The following DMPK variants were observed in gnomAD, a reference collection of about 807,000 sequenced individuals.
DMPK encodes the protein DM1 protein kinase, also known as myotonin-protein kinase.
Under a neutral mutation model 70.3 loss-of-function variants are expected in DMPK, and 32 were observed. The ratio of observed to expected loss-of-function variants is 0.46; its 90% confidence interval spans 0.34 to 0.61. The LOEUF (loss-of-function observed/expected upper bound fraction) is 0.61. DMPK is among the 20% of genes least tolerant of loss of function. The pLI is 0.01. For missense variants in DMPK, 899 were observed against 886.0 expected (o/e 1.01, Z -0.19); for synonymous variants, 469 against 390.9 (o/e 1.20, Z -2.36).
intron 5 of DMPK, 98 bp downstream of exon 5, chr19:45,778,395 G>C (rs1969901264): frequency 1.3e-6 from 2 of 1,498,300 alleles, no homozygotes; most frequent in Non-Finnish European, 1.8e-6. Flanking sequence ...CCCCAACCAA[G>C]AAGGTCCCTC....
intron 12 of DMPK, 34 bp from the exon 13 acceptor site, chr19:45,771,430 G>A (rs1392642972): frequency 1.2e-6 from 2 of 1,611,500 alleles, no homozygotes; most frequent in Admixed American, 1.7e-5. Context: ...AGGGCGCGTG[G>A]AGGGGCGAAG....
At chr19:45,775,060 A>G (rs151206095) in intron 8 of DMPK, 26 bp from the exon 9 acceptor site, 2 of 1,596,024 alleles carry the variant, frequency 1.3e-6, no homozygotes, top group East Asian at 2.2e-5. Flanking sequence ...AGATGTGAGC[A>G]GCAGTCGTCA....
Position 45,774,966 on chromosome 19 carries a change from G to A in DMPK, c.1215C>T (p.Tyr405=), listed in dbSNP as rs138445739. The A allele has an allele frequency of 2.5e-6, 4 of 1,613,836 alleles. No homozygotes were observed. Among genetic ancestry groups the A allele is most frequent in the African/African-American group, 1.3e-5 (1 of 74,920 alleles). Residue 405 remains tyrosine, a synonymous_variant, in exon 9 of 15, where the codon TAC becomes TAT. Transcript: ENST00000291270. ...GTGCTTACCTGAGGGCCATGCAGGA[G>A]TAGGAGTAGCCCACAAAAGGCAGGT... ...GVHLPFVGYS[Y]SCMALRDSEV... is the part of the protein sequence containing the mutation.
rs1302500628 is a variant in DMPK, at chr19:45,775,818, CTTTT to C, written c.1147-788_1147-785del. 5.9e-5 allele frequency among the ~76,000 whole-genome samples: 5 copies of C among 84,496 alleles called. 2 individuals carry two copies. Among genetic ancestry groups the C allele is most frequent in the Non-Finnish European group, 1.2e-4 (5 of 42,518 alleles). The allele number at this position is 84,496 out of a possible 152,430, so 55.4% of individuals were successfully genotyped here. On this transcript the variant is annotated intron_variant, in intron 8 of 14. Coordinates refer to ENST00000291270, the MANE Select transcript of DMPK (RefSeq NM_004409.5). ...CAGGCGTGAACCACCTTGCCCAACCCTTTTTTTTTTTTTTTTTTTTGAGACAGAG... is the reference window on the plus strand; with the variant it reads ...CAGGCGTGAACCACCTTGCCCAACCCTTTTTTTTTTTTTTTTGAGACAGAG...
rs979797930 is a variant in DMPK, at chr19:45,779,419, A to T, written c.336+20T>A. On this transcript the variant is annotated intron_variant, in intron 3 of 14. Transcript: ENST00000291270. ...GGGGCGCGGATCCTCAAAGCCCCCC[A>T]CGTCCGCCCAGCCCCTCACCTCGCC... 7.4e-6 allele frequency: 12 copies of T among 1,613,608 alleles called. No individual in the cohort carries two copies. The Admixed American group carries it at 1.7e-4, about 22-fold the overall frequency.
intron 9 of DMPK, among the ~76,000 whole-genome samples, chr19:45,774,094 C>T (rs1969637364): frequency 1.3e-5 from 2 of 151,310 alleles, no homozygotes; most frequent in South Asian, 4.2e-4. Context: ...GCTGGGATTA[C>T]AGGTATATGC....
chr19:45,773,089 C>T (rs945906577), intron 9 of DMPK, among the ~76,000 whole-genome samples: 2 of 152,204 alleles, frequency 1.3e-5, no homozygotes, highest in African/African-American at 4.8e-5. Flanking sequence ...GGCCTCAGGA[C>T]AGGGAGGCCG....
Position 45,775,001 on chromosome 19 carries a change from G to C in DMPK, c.1180C>G (p.Leu394Val). ...TLSDIREGAP[L>V]GVHLPFVGYS... is the part of the protein sequence containing the mutation. ...CCCACAAAAGGCAGGTGGACCCCTA[G>C]CGGCGCACCTTCCCGAATGTCCGAC... is the stretch of plus-strand genomic sequence containing the variant. The change falls in exon 9 of 15, where the codon CTA becomes GTA. Residue 394 changes from leucine (L) to valine (V), a missense_variant. Coordinates refer to ENST00000291270, the MANE Select transcript of DMPK (RefSeq NM_004409.5). 1 of 1,613,974 alleles carries C rather than the reference G, an allele frequency of 6.2e-7. No individual in the cohort carries two copies.
Position 45,779,270 on chromosome 19 carries a change from G to C in DMPK, c.426C>G (p.Asn142Lys), listed in dbSNP as rs577740076. The change falls in exon 4 of 15, where the codon AAC becomes AAG. Residue 142 changes from asparagine (N) to lysine (K), a missense_variant. By Grantham distance (94) the Asn-to-Lys change is moderately conservative. This residue lies in a region of DMPK where 195 missense variants were observed against 259.7 expected (regional missense o/e 0.75). Transcript: ENST00000291270. ...TQLHFAFQDE[N>K]YLYLVMEYYV... is the part of the protein sequence containing the mutation. ...ACCCCGGCCCGGAGCTCACCAGGTA[G>C]TTCTCATCCTGGAAGGCGAAGTGCA... 1.2e-6 allele frequency: 2 copies of C among 1,613,956 alleles called. No homozygotes were observed.
chr19:45,780,142 GGGTAAC>G, intron 1 of DMPK: 1 of 1,436,232 alleles, frequency 7.0e-7, no homozygotes, highest in South Asian at 1.5e-5. Flanking sequence ...GGTTAGGGTG[GGGTAAC>G]GGAGTCTGCA....
chr19:45,782,209 G>A lies in DMPK; in HGVS notation c.144C>T (p.Ala48=), dbSNP rs748509070. The A allele has an allele frequency of 9.8e-6, 15 of 1,534,422 alleles. No homozygotes were observed. Among genetic ancestry groups the A allele is most frequent in the African/African-American group, 5.8e-5 (4 of 69,024 alleles). Reference sequence around the variant, plus strand: ...GGCACTCACCCCACTGCAAGAAGTCGGCCACGTACTTGTCCTGGGCCAGTT... The same window carrying A: ...GGCACTCACCCCACTGCAAGAAGTCAGCCACGTACTTGTCCTGGGCCAGTT... The part of the protein sequence containing the change: ...ASELAQDKYV[A]DFLQWAEPIV... Residue 48 remains alanine, a synonymous_variant, in exon 1 of 15, where the codon GCC becomes GCT. Coordinates refer to ENST00000291270, the MANE Select transcript of DMPK (RefSeq NM_004409.5).
At chr19:45,779,056 C>T in intron 4 of DMPK, 2 of 614,178 alleles carry the variant, frequency 3.3e-6, no homozygotes, top group Non-Finnish European at 2.9e-6. Context: ...CCCAGATCAC[C>T]CCAGAAACGG....
chr19:45,780,265 C>G, intron 1 of DMPK: 2 of 1,508,368 alleles, frequency 1.3e-6, no homozygotes, highest in Non-Finnish European at 1.8e-6. Flanking sequence ...GCCCCACCCC[C>G]ACGTTCTCAT....
At chr19:45,772,032 G>A (rs900317970) in intron 10 of DMPK, 104 bp from the exon 11 acceptor site, 33 of 1,389,922 alleles carry the variant, frequency 2.4e-5, no homozygotes, top group African/African-American at 1.5e-4. Flanking sequence ...CTACTCCTCC[G>A]TCCCCTCAAC....
rs1003871860 is a variant in DMPK, at chr19:45,770,541, C to A, written c.1837G>T (p.Ala613Ser). Reference protein sequence around the residue: ...ALGCIGLVAHAGQLTAVWRRP... With the variant: ...ALGCIGLVAHSGQLTAVWRRP... Reference sequence around the variant, plus strand: ...CGCCAGACTGCGGTGAGTTGGCCGGCGTGGGCCACCAACCCAATGCAGCCC... The same window carrying A: ...CGCCAGACTGCGGTGAGTTGGCCGGAGTGGGCCACCAACCCAATGCAGCCC... Residue 613 changes from alanine (A) to serine (S), a missense_variant, in exon 15 of 15, where the codon GCC becomes TCC. Ala to Ser is a moderately conservative substitution (Grantham distance 99, BLOSUM62 1). This residue lies in a region of DMPK where 555 missense variants were observed against 483.8 expected (regional missense o/e 1.15). Coordinates refer to ENST00000291270, the MANE Select transcript of DMPK (RefSeq NM_004409.5). The A allele has an allele frequency of 2.7e-5, 42 of 1,550,822 alleles. No individual in the cohort carries two copies. The Middle Eastern group carries it at 6.7e-4, about 25-fold the overall frequency.
chr19:45,777,914 C>G lies in DMPK; in HGVS notation c.676-41G>C. 2 of 1,551,084 alleles carry G rather than the reference C, an allele frequency of 1.3e-6. No individual in the cohort carries two copies. The highest frequency in any genetic ancestry group is 1.7e-6 in the Non-Finnish European group (2 of 1,143,164). On this transcript the variant is annotated intron_variant, in intron 6 of 14. Coordinates refer to ENST00000291270, the MANE Select transcript of DMPK (RefSeq NM_004409.5). The surrounding 1 kb of genome is among the most constrained non-coding windows in gnomAD (Gnocchi z 6.7). ...CAGAGCGAGGCTTGGGCCCACCCCTCTGGGCCCACCAGCTCTGGGCCCTCC... is the reference window on the plus strand; with the variant it reads ...CAGAGCGAGGCTTGGGCCCACCCCTGTGGGCCCACCAGCTCTGGGCCCTCC...
rs760956137 is a variant in DMPK at position 45,772,763 on chromosome 19, G to A, written c.1233-11C>T. The A allele has an allele frequency of 3.8e-5, 54 of 1,437,780 alleles. No homozygotes were observed. Among genetic ancestry groups the A allele is most frequent in the Non-Finnish European group, 4.8e-5 (52 of 1,087,436 alleles). 89.1% of individuals were successfully genotyped at this position (1,437,780 alleles called of 1,614,324 possible). A position where few individuals can be genotyped will look rare whatever the true frequency, so the allele number is the denominator to read the frequency against. On this transcript the variant is annotated splice_polypyrimidine_tract_variant and intron_variant, in intron 9 of 14. Coordinates refer to ENST00000291270, the MANE Select transcript of DMPK (RefSeq NM_004409.5). The stretch of plus-strand genomic sequence containing the variant: ...GGGACCTCACTGTCCCTGGGGAGAG[G>A]AGGAGGGAGTGGGGAGGGAGACAGA...
In DMPK at chr19:45,777,213, G is replaced by A; in HGVS notation, c.1146+114C>T. The A allele has an allele frequency of 1.4e-6, 2 of 1,379,872 alleles. No individual in the cohort carries two copies. The highest frequency in any genetic ancestry group is 1.5e-5 in the South Asian group (1 of 66,312). 85.5% of individuals were successfully genotyped at this position (1,379,872 alleles called of 1,614,324 possible). On this transcript the variant is annotated intron_variant, in intron 8 of 14. Transcript: ENST00000291270. The surrounding 1 kb of genome is among the most constrained non-coding windows in gnomAD (Gnocchi z 6.7). ...AGTAGTAGATGGGCACAGAGCAGGT[G>A]CTCTGGGGAATGAGTGATTCAGGAC...
At position 45,777,948 on chromosome 19, in the gene DMPK, A is replaced by G. The variant is rs1331932272; in HGVS notation, c.676-75T>C. On this transcript the variant is annotated intron_variant, in intron 6 of 14. Transcript: ENST00000291270. This position sits in a 1 kb window ranked among gnomAD's most constrained non-coding sequence, Gnocchi z 6.7. Reference sequence around the variant, plus strand: ...CCAGCTCTGGGCCCTCCTTCCAACCACTCCCCAAATGCTTAGCCCCTCCCT... The same window carrying G: ...CCAGCTCTGGGCCCTCCTTCCAACCGCTCCCCAAATGCTTAGCCCCTCCCT... 4.3e-5 allele frequency: 60 copies of G among 1,410,282 alleles called. 1 individual carries two copies. The highest frequency in any genetic ancestry group is 5.7e-5 in the Admixed American group (3 of 52,684). The allele number at this position is 1,410,282 out of a possible 1,614,324, so 87.4% of individuals were successfully genotyped here. A position where few individuals can be genotyped will look rare whatever the true frequency, so the allele number is the denominator to read the frequency against.
Sources: allele counts gnomAD v4.1 joint callset (sites outside exome capture counted in the v4.1 genomes callset), GRCh38; gene constraint gnomAD v4.1.1; regional missense constraint gnomAD v4.1.1; non-coding constraint Gnocchi (gnomAD v3.1); transcripts MANE v1.5; gene names NCBI Gene and HGNC (gene_info 2026-07-23, HGNC 2026-07-21).